The following DTL variants were observed in gnomAD, a reference collection of about 807,000 sequenced individuals.
DTL encodes denticleless E3 ubiquitin protein ligase adapter.
In DTL, 46 loss-of-function variants were observed where a neutral mutation model predicts 87.0. The observed-to-expected ratio is 0.53, with a 90% CI of 0.42 to 0.68. DTL has a LOEUF of 0.68. DTL is among the 30% of genes least tolerant of loss of function. The pLI, the probability that DTL is intolerant of heterozygous loss-of-function variation, is 0.00. For missense variants in DTL, 737 were observed against 869.4 expected (o/e 0.85, Z 1.91); for synonymous variants, 308 against 311.2 (o/e 0.99, Z 0.11).
At chr1:212,077,062 T>A (rs1428993610) in intron 11 of DTL, among the ~76,000 whole-genome samples, 3 of 152,172 alleles carry the variant, frequency 2.0e-5, no homozygotes, top group Non-Finnish European at 2.9e-5. Context: ...GGGAATCTAT[T>A]AAGTTTACTT....
intron 5 of DTL, among the ~76,000 whole-genome samples, chr1:212,056,953 AG>A (rs1277057642): frequency 1.3e-5 from 2 of 152,190 alleles, no homozygotes; most frequent in Non-Finnish European, 2.9e-5. Context: ...ACAAAAATAG[AG>A]AAAAAATAAT....
At chr1:212,060,374 C>T (rs948213636) in intron 5 of DTL, among the ~76,000 whole-genome samples, 4 of 152,130 alleles carry the variant, frequency 2.6e-5, no homozygotes, top group South Asian at 4.2e-4. Flanking sequence ...CTACAATAAA[C>T]GGTGCTGGGA....
At chr1:212,084,693 A>G (rs1394596298) in intron 13 of DTL, among the ~76,000 whole-genome samples, 1 of 152,086 alleles carries the variant, frequency 6.6e-6, no homozygotes, top group Non-Finnish European at 1.5e-5. Flanking sequence ...TATTTTTTGC[A>G]ATTTTCAGCT....
intron 5 of DTL, among the ~76,000 whole-genome samples, chr1:212,060,746 A>G (rs1654260134): frequency 6.6e-6 from 1 of 152,002 alleles, no homozygotes; most frequent in African/African-American, 2.4e-5. Context: ...AAAAAAAAAA[A>G]AAAAAATCAA....
intron 12 of DTL, chr1:212,080,240 T>G (rs1654951884): frequency 6.5e-6 from 1 of 154,640 alleles, no homozygotes; most frequent in African/African-American, 2.4e-5. Context: ...GTTGTAGAAA[T>G]TGAATGTTGG....
chr1:212,043,359 A>G (rs953948753), intron 2 of DTL, among the ~76,000 whole-genome samples: 40 of 152,332 alleles, frequency 2.6e-4, no homozygotes, highest in African/African-American at 9.1e-4. Flanking sequence ...TAAAAAATCA[A>G]TATAAGGAAG....
chr1:212,057,953 CTT>C (rs1430624844), intron 5 of DTL, among the ~76,000 whole-genome samples: 2 of 152,126 alleles, frequency 1.3e-5, no homozygotes, highest in Admixed American at 6.5e-5. Context: ...ATAAAACAGA[CTT>C]TATGTCAAAA....
At chr1:212,066,468 T>A (rs945867122) in intron 7 of DTL, among the ~76,000 whole-genome samples, 1 of 152,200 alleles carries the variant, frequency 6.6e-6, no homozygotes, top group African/African-American at 2.4e-5. Flanking sequence ...AGCAACATTT[T>A]AGAGATTAAA....
rs148953985 is a variant in DTL, at chr1:212,037,610, C to T, written c.52+1668C>T. Among the ~76,000 whole-genome samples the T allele has an allele frequency of 5.8e-3, 881 of 152,284 alleles. 5 individuals are homozygous for T. The highest frequency in any genetic ancestry group is 8.9e-3 in the Non-Finnish European group (608 of 68,034). ...TGGCATATTTTGGTCACACAAACAC[C>T]ACCGAACTTCTAAAGAAAGACTCAA... On this transcript the variant is annotated intron_variant, in intron 1 of 14. Coordinates refer to ENST00000366991, the MANE Select transcript of DTL (RefSeq NM_016448.4).
chr1:212,068,555 C>G (rs757792128), intron 9 of DTL, 44 bp from the exon 10 acceptor site: 1 of 1,234,184 alleles, frequency 8.1e-7, no homozygotes, highest in South Asian at 1.2e-5. Flanking sequence ...CTCAGATCTA[C>G]TCACCATCAT....
chr1:212,095,611 C>G (rs1168542628), intron 13 of DTL, among the ~76,000 whole-genome samples: 1 of 152,198 alleles, frequency 6.6e-6, no homozygotes, highest in Non-Finnish European at 1.5e-5. Flanking sequence ...GCTGGGATTA[C>G]AGGCATGAGC....
chr1:212,082,160 C>T (rs1655007112), intron 13 of DTL, among the ~76,000 whole-genome samples: 1 of 152,010 alleles, frequency 6.6e-6, no homozygotes, highest in South Asian at 2.1e-4. Flanking sequence ...GAGGGATGAA[C>T]TTGATTTGAT....
chr1:212,060,143 A>G (rs1264026711), intron 5 of DTL, among the ~76,000 whole-genome samples: 1 of 152,180 alleles, frequency 6.6e-6, no homozygotes, highest in Non-Finnish European at 1.5e-5. Context: ...AAATACCAAC[A>G]TCATTTTTCA....
intron 5 of DTL, among the ~76,000 whole-genome samples, chr1:212,049,067 CG>C (rs1667887174): frequency 2.0e-5 from 3 of 152,092 alleles, no homozygotes; most frequent in African/African-American, 7.2e-5. Flanking sequence ...GGATTACAGG[CG>C]TGTACCACCA....
chr1:212,044,561 C>T (rs542909496), intron 2 of DTL, 99 bp from the exon 3 acceptor site: 3 of 683,316 alleles, frequency 4.4e-6, no homozygotes, highest in East Asian at 5.6e-5. Flanking sequence ...CCAAACTGCA[C>T]TATTGCACTC....
chr1:212,050,929 T>C (rs937011336), intron 5 of DTL, among the ~76,000 whole-genome samples: 1 of 152,114 alleles, frequency 6.6e-6, no homozygotes, highest in Non-Finnish European at 1.5e-5. Context: ...TTGTATAATA[T>C]GTTACACTTT....
At position 212,066,856 on chromosome 1, in the gene DTL, T is replaced by C. The variant is rs1654522126; in HGVS notation, c.684T>C (p.Asn228=). 1 of 1,613,878 alleles carries C rather than the reference T, an allele frequency of 6.2e-7. No individual in the cohort carries two copies. Among genetic ancestry groups the C allele is most frequent in the Non-Finnish European group, 8.5e-7 (1 of 1,179,902 alleles). ...CTGTGGTCCTCTTTCAAGACGAGAA[T>C]ACCTTAGTCTCAGCAGGAGCTGTGG... is the stretch of plus-strand genomic sequence containing the variant. ...SVTVVLFQDE[N]TLVSAGAVDG... The change falls in exon 8 of 15, where the codon AAT becomes AAC. Residue 228 remains asparagine (N), a synonymous_variant. Transcript: ENST00000366991.
intron 12 of DTL, among the ~76,000 whole-genome samples, chr1:212,078,880 A>G (rs780258916): frequency 2.0e-5 from 3 of 152,202 alleles, no homozygotes; most frequent in Admixed American, 6.5e-5. Context: ...GGAATTGCAT[A>G]TAATAGTAGC....
At chr1:212,043,422 C>A (rs1442797054) in intron 2 of DTL, among the ~76,000 whole-genome samples, 4 of 152,132 alleles carry the variant, frequency 2.6e-5, no homozygotes, top group Non-Finnish European at 4.4e-5. Flanking sequence ...TAGATACATA[C>A]CCTTTGATCT....
Sources: gnomAD v4.1 joint callset for allele counts (sites outside exome capture counted in the v4.1 genomes callset) on GRCh38, gnomAD v4.1.1 for gene constraint, MANE v1.5 for transcripts, NCBI Gene and HGNC (gene_info 2026-07-23, HGNC 2026-07-21) for gene names.